BAIAP2L1: variants seen among roughly 807,000 people sequenced by gnomAD.
BAIAP2L1 encodes the protein BAR/IMD domain containing adaptor protein 2 like 1.
A neutral mutation model predicts 66.3 loss-of-function variants in BAIAP2L1; 35 were observed. The observed-to-expected ratio is 0.53, with a 90% CI of 0.40 to 0.70. The LOEUF is 0.70. BAIAP2L1 is among the 30% of genes least tolerant of loss of function. BAIAP2L1 has a pLI of 0.00. For missense variants in BAIAP2L1, 622 were observed against 656.9 expected (o/e 0.95, Z 0.58); for synonymous variants, 269 against 248.7 (o/e 1.08, Z -0.77).
At chr7:98,369,561 C>A (rs138643795) in intron 1 of BAIAP2L1, among the ~76,000 whole-genome samples, 4 of 152,122 alleles carry the variant, frequency 2.6e-5, no homozygotes, top group African/African-American at 7.2e-5. Flanking sequence ...CCGACCCTGC[C>A]CAATAACATA....
intron 1 of BAIAP2L1, chr7:98,385,716 G>C: frequency 8.3e-7 from 1 of 1,210,050 alleles, no homozygotes; most frequent in Non-Finnish European, 1.2e-6. Context: ...ACCCAGCCAG[G>C]AATCAACATT....
At chr7:98,315,708 A>C (rs1584446849) in intron 6 of BAIAP2L1, 96 bp from the exon 7 acceptor site, 2 of 541,096 alleles carry the variant, frequency 3.7e-6, no homozygotes, top group African/African-American at 3.9e-5. Flanking sequence ...CCATCTTTAC[A>C]CCTGCTTTAT....
chr7:98,333,631 G>A (rs2115596931), intron 3 of BAIAP2L1, among the ~76,000 whole-genome samples: 1 of 152,096 alleles, frequency 6.6e-6, no homozygotes. Flanking sequence ...TAAAATAAAT[G>A]AGCACACTGG....
At chr7:98,333,969 T>C (rs1479141932) in intron 3 of BAIAP2L1, among the ~76,000 whole-genome samples, 1 of 152,190 alleles carries the variant, frequency 6.6e-6, no homozygotes, top group African/African-American at 2.4e-5. Context: ...AAATTGAGTT[T>C]GATGTTTATT....
Position 98,293,482 on chromosome 7 carries a change from G to A in BAIAP2L1, c.*39C>T. On this transcript the variant is annotated 3_prime_UTR_variant, in exon 14 of 14. Coordinates refer to ENST00000005260, the MANE Select transcript of BAIAP2L1 (RefSeq NM_018842.5). ...AGGATGCGCCCATCATTCCGCAAGG[G>A]AGAACCGGAGAGGCCCGGGAGAGTC... is the stretch of plus-strand genomic sequence containing the variant. 1 of 1,582,156 alleles carries A rather than the reference G, an allele frequency of 6.3e-7. No individual in the cohort carries two copies. Among genetic ancestry groups the A allele is most frequent in the Non-Finnish European group, 8.7e-7 (1 of 1,152,586 alleles).
rs10708312 is a variant in BAIAP2L1, at chr7:98,305,321, T to TAAA, written c.1242-948_1242-946dup. ...CTGGAGTGAGCAATGAGCTAAGAGTTAAAAAAAAAAAAAATGTAAACACTT... is the reference window on the plus strand; with the variant it reads ...CTGGAGTGAGCAATGAGCTAAGAGTTAAAAAAAAAAAAAAAAATGTAAACACTT... On this transcript the variant is annotated intron_variant, in intron 11 of 13. Transcript: ENST00000005260. 2.0e-5 allele frequency among the ~76,000 whole-genome samples: 3 copies of TAAA among 148,142 alleles called. No individual in the cohort carries two copies. In the South Asian group the frequency reaches 6.4e-4, roughly 32 times the overall value.
At chr7:98,298,768 G>A (rs1294947755) in intron 12 of BAIAP2L1, among the ~76,000 whole-genome samples, 1 of 152,188 alleles carries the variant, frequency 6.6e-6, no homozygotes, top group Non-Finnish European at 1.5e-5. Context: ...ACATAAAAAG[G>A]CTGAGACACA....
chr7:98,340,658 GTTC>G (rs1468429672), intron 3 of BAIAP2L1, among the ~76,000 whole-genome samples: 2 of 152,110 alleles, frequency 1.3e-5, no homozygotes, highest in South Asian at 2.1e-4. Context: ...GAGAAGGAAT[GTTC>G]TTCTTGTAAC....
At chr7:98,366,734 C>T (rs1394575583) in intron 1 of BAIAP2L1, among the ~76,000 whole-genome samples, 1 of 152,232 alleles carries the variant, frequency 6.6e-6, no homozygotes, top group Non-Finnish European at 1.5e-5. Context: ...AGGTGCTTGG[C>T]ACCTACGCGC....
chr7:98,318,332 C>T (rs1466636128), intron 5 of BAIAP2L1, among the ~76,000 whole-genome samples: 1 of 152,084 alleles, frequency 6.6e-6, no homozygotes, highest in Non-Finnish European at 1.5e-5. Flanking sequence ...ACTTAGCCAC[C>T]AAGGTGGTTG....
intron 7 of BAIAP2L1, among the ~76,000 whole-genome samples, chr7:98,313,859 G>A (rs897317163): frequency 1.3e-5 from 2 of 151,180 alleles, no homozygotes; most frequent in African/African-American, 4.9e-5. Flanking sequence ...GGAACTCCTG[G>A]GCTCAAGTGA....
intron 2 of BAIAP2L1, among the ~76,000 whole-genome samples, chr7:98,356,730 AT>A (rs1802128903): frequency 6.7e-6 from 1 of 148,662 alleles, no homozygotes; most frequent in Non-Finnish European, 1.5e-5. Context: ...TACTCCTAGC[AT>A]TTTGCGAGGC....
intron 1 of BAIAP2L1, among the ~76,000 whole-genome samples, chr7:98,364,018 CTTT>C (rs34058753): frequency 2.0e-5 from 3 of 149,450 alleles, no homozygotes; most frequent in Non-Finnish European, 4.5e-5. Context: ...TTTGAATATT[CTTT>C]TTTTTTTTAA....
chr7:98,332,931 G>A (rs1469418218), intron 3 of BAIAP2L1, among the ~76,000 whole-genome samples: 7 of 151,070 alleles, frequency 4.6e-5, no homozygotes, highest in Admixed American at 2.0e-4. Context: ...AGCCCTACGC[G>A]ACCCAGCCTC....
chr7:98,350,028 G>A (rs1482443136), intron 3 of BAIAP2L1, among the ~76,000 whole-genome samples: 1 of 151,938 alleles, frequency 6.6e-6, no homozygotes, highest in Non-Finnish European at 1.5e-5. Flanking sequence ...GAGGTAGGAG[G>A]ATGGCTTGAG....
chr7:98,386,525 T>C (rs1454355730), intron 1 of BAIAP2L1: 2 of 1,597,312 alleles, frequency 1.3e-6, no homozygotes, highest in South Asian at 1.1e-5. Flanking sequence ...GATCAACCAC[T>C]TTCTTCTTGG....
At chr7:98,338,595 A>G (rs907012339) in intron 3 of BAIAP2L1, among the ~76,000 whole-genome samples, 1 of 152,192 alleles carries the variant, frequency 6.6e-6, no homozygotes, top group Admixed American at 6.5e-5. Flanking sequence ...TAGCCTTTTT[A>G]TCTGGCTTCT....
At chr7:98,298,327 T>G (rs888585215) in intron 12 of BAIAP2L1, among the ~76,000 whole-genome samples, 1 of 151,944 alleles carries the variant, frequency 6.6e-6, no homozygotes, top group African/African-American at 2.4e-5. Flanking sequence ...TAAAAAACAT[T>G]AGGGGCTGGG....
chr7:98,335,829 A>C (rs1206950681), intron 3 of BAIAP2L1, among the ~76,000 whole-genome samples: 1 of 152,014 alleles, frequency 6.6e-6, no homozygotes, highest in East Asian at 1.9e-4. Context: ...CTGCAGCGGC[A>C]CAGCCGTTCA....
Sources: gnomAD v4.1 joint callset for allele counts (sites outside exome capture counted in the v4.1 genomes callset) on GRCh38, gnomAD v4.1.1 for gene constraint, MANE v1.5 for transcripts, NCBI Gene and HGNC (gene_info 2026-07-23, HGNC 2026-07-21) for gene names.